FRMD4A: variants seen among roughly 807,000 people sequenced by gnomAD.
FRMD4A encodes the protein FERM domain-containing protein 4A.
FRMD4A carries 29 observed loss-of-function variants against 129.1 expected under a neutral mutation model. That is an observed-to-expected ratio of 0.22 (90% CI 0.17 to 0.31). The LOEUF (loss-of-function observed/expected upper bound fraction) is 0.31. Among genes scored for constraint, FRMD4A ranks in the 10% least tolerant of loss-of-function variants. The pLI is 1.00. For synonymous variants in FRMD4A, 634 were observed against 571.6 expected, an observed-to-expected ratio of 1.11 and a Z score of -1.56; for missense variants, 1,272 against 1,375.8, an observed-to-expected ratio of 0.92 and a Z score of 1.19.
At chr10:14,256,685 TG>T (rs1167511942) in intron 2 of FRMD4A, among the ~76,000 whole-genome samples, 1 of 152,210 alleles carries the variant, frequency 6.6e-6, no homozygotes, top group Non-Finnish European at 1.5e-5. Flanking sequence ...ACGGAATTTT[TG>T]TTAAAGTATA....
At chr10:14,284,295 A>G (rs1485262386) in intron 2 of FRMD4A, among the ~76,000 whole-genome samples, 1 of 152,146 alleles carries the variant, frequency 6.6e-6, no homozygotes, top group Non-Finnish European at 1.5e-5. Flanking sequence ...ATGCCAAATC[A>G]CACTTCTAGA....
intron 6 of FRMD4A, among the ~76,000 whole-genome samples, chr10:13,763,802 C>G (rs2092170034): frequency 6.6e-6 from 1 of 152,128 alleles, no homozygotes; most frequent in African/African-American, 2.4e-5. Context: ...GTGGTGCGAT[C>G]TTGGCTCACT....
chr10:13,703,548 C>G (rs1199705355), intron 13 of FRMD4A, among the ~76,000 whole-genome samples: 1 of 152,148 alleles, frequency 6.6e-6, no homozygotes, highest in Non-Finnish European at 1.5e-5. Flanking sequence ...CTGGCGTTGC[C>G]CATCCTATTA....
intron 3 of FRMD4A, among the ~76,000 whole-genome samples, chr10:13,843,295 C>G (rs141467826): frequency 1.9e-3 from 295 of 152,234 alleles, no homozygotes; most frequent in Admixed American, 4.2e-3. Context: ...GGCTGTTTGT[C>G]TAGGACCACA....
chr10:14,275,247 C>T (rs1845297814), intron 2 of FRMD4A, among the ~76,000 whole-genome samples: 1 of 152,206 alleles, frequency 6.6e-6, no homozygotes, highest in African/African-American at 2.4e-5. Flanking sequence ...ACTAGACCGA[C>T]TCAAGGACAG....
chr10:13,886,234 T>TC (rs369667565), intron 2 of FRMD4A, among the ~76,000 whole-genome samples: 17 of 150,836 alleles, frequency 1.1e-4, no homozygotes, highest in African/African-American at 3.9e-4. Flanking sequence ...GTTTTTGTTT[T>TC]TTTTCCCATG....
At chr10:14,258,065 C>G (rs1844677408) in intron 2 of FRMD4A, among the ~76,000 whole-genome samples, 1 of 151,960 alleles carries the variant, frequency 6.6e-6, no homozygotes, top group Non-Finnish European at 1.5e-5. Context: ...GTGTCATATT[C>G]TGGAACACTT....
chr10:13,933,666 T>A lies in FRMD4A; in HGVS notation c.46-74754A>T, dbSNP rs142585517. Among the ~76,000 whole-genome samples the A allele has an allele frequency of 3.0e-3, 454 of 152,340 alleles. 4 individuals carry two copies. The highest frequency in any genetic ancestry group is 0.01 in the African/African-American group (432 of 41,582). On this transcript the variant is annotated intron_variant, in intron 2 of 24. Coordinates refer to ENST00000357447, the MANE Select transcript of FRMD4A (RefSeq NM_018027.5). Reference sequence around the variant, plus strand: ...AGTCAGTTTCATCCACATTCAAGCATTTCTTTTCCAGATTTTCAACATAAG... The same window carrying A: ...AGTCAGTTTCATCCACATTCAAGCAATTCTTTTCCAGATTTTCAACATAAG...
rs2093623755 is a variant in FRMD4A, at chr10:13,821,092, T to C, written c.112-10184A>G. Among the ~76,000 whole-genome samples the C allele has an allele frequency of 6.6e-6, 1 of 152,148 alleles. No individual in the cohort carries two copies. Among genetic ancestry groups the C allele is most frequent in the African/African-American group, 2.4e-5 (1 of 41,438 alleles). On this transcript the variant is annotated intron_variant, in intron 3 of 24. Coordinates refer to ENST00000357447, the MANE Select transcript of FRMD4A (RefSeq NM_018027.5). The surrounding 1 kb of genome is among the most constrained non-coding windows in gnomAD (Gnocchi z 4.3). The stretch of plus-strand genomic sequence containing the variant: ...CCCATGGGGGCTCTGAGCCCAGCAA[T>C]GGCTCAGCGGCTGCTCATTATTCCC...
chr10:14,007,216 C>T (rs1227615707), intron 2 of FRMD4A: 2 of 152,124 alleles, frequency 1.3e-5, no homozygotes, highest in African/African-American at 2.4e-5. Flanking sequence ...CTGAAGACGT[C>T]TATGTAGGTG....
At chr10:13,781,306 T>TAA (rs1253732948) in intron 6 of FRMD4A, among the ~76,000 whole-genome samples, 25,845 of 79,060 alleles carry the variant, frequency 0.33, 3,970 homozygotes, top group Non-Finnish European at 0.36. Flanking sequence ...TCTTAAAAAT[T>TAA]AAAAAAAAAA....
At chr10:13,882,805 G>T (rs955696195) in intron 2 of FRMD4A, among the ~76,000 whole-genome samples, 1 of 96,108 alleles carries the variant, frequency 1.0e-5, no homozygotes. Context: ...ATAATTTTTT[G>T]GTTTTTTTTT....
At chr10:14,085,210 G>C (rs1447439776) in intron 2 of FRMD4A, among the ~76,000 whole-genome samples, 3 of 152,144 alleles carry the variant, frequency 2.0e-5, no homozygotes, top group African/African-American at 7.2e-5. Context: ...TATGTCTAGG[G>C]ATGTTTGGAG....
chr10:14,099,180 C>T (rs919285327), intron 2 of FRMD4A, among the ~76,000 whole-genome samples: 1 of 152,240 alleles, frequency 6.6e-6, no homozygotes, highest in Non-Finnish European at 1.5e-5. Flanking sequence ...CATTGTCACA[C>T]TCAGGCCTGA....
intron 2 of FRMD4A, among the ~76,000 whole-genome samples, chr10:14,257,242 A>G (rs1844648469): frequency 6.6e-6 from 1 of 152,190 alleles, no homozygotes; most frequent in Non-Finnish European, 1.5e-5. Context: ...GAGGCACAAC[A>G]ATCACTTGAA....
rs143950180 is a variant in FRMD4A, at chr10:14,135,569, T to G, written c.45+194489A>C. Among the ~76,000 whole-genome samples, 566 of 152,334 alleles carry G rather than the reference T, an allele frequency of 3.7e-3. 1 individual carries two copies. Among genetic ancestry groups the G allele is most frequent in the African/African-American group, 0.013 (529 of 41,582 alleles). On this transcript the variant is annotated intron_variant, in intron 2 of 24. Transcript: ENST00000357447. Reference sequence around the variant, plus strand: ...CTCAATTAAACTCCTTTAAATTTAATTCAGCTGAAGTTTTTCTGTTATCAA... The same window carrying G: ...CTCAATTAAACTCCTTTAAATTTAAGTCAGCTGAAGTTTTTCTGTTATCAA...
intron 2 of FRMD4A, among the ~76,000 whole-genome samples, chr10:14,009,235 C>T (rs557681080): frequency 6.6e-6 from 1 of 152,280 alleles, no homozygotes; most frequent in African/African-American, 2.4e-5. Flanking sequence ...CTCCTGAAAT[C>T]GGCTTATTTC....
chr10:14,259,001 A>G (rs1448338623), intron 2 of FRMD4A, among the ~76,000 whole-genome samples: 1 of 152,126 alleles, frequency 6.6e-6, no homozygotes, highest in Non-Finnish European at 1.5e-5. Context: ...GGGGATGGTG[A>G]GGGGTGTGAG....
At chr10:13,674,386 T>C (rs373154350) in intron 16 of FRMD4A, among the ~76,000 whole-genome samples, 2 of 152,182 alleles carry the variant, frequency 1.3e-5, no homozygotes, top group East Asian at 1.9e-4. Context: ...GGGATCATCA[T>C]TGGGACTTGT....
Sources: allele counts gnomAD v4.1 joint callset (sites outside exome capture counted in the v4.1 genomes callset), GRCh38; gene constraint gnomAD v4.1.1; non-coding constraint Gnocchi (gnomAD v3.1); transcripts MANE v1.5; gene names NCBI Gene and HGNC (gene_info 2026-07-23, HGNC 2026-07-21).